Variants in CHRM3 observed in about 807,000 individuals in gnomAD.
CHRM3 encodes muscarinic acetylcholine receptor M3.
CHRM3 carries 11 observed loss-of-function variants against 41.8 expected under a neutral mutation model. The ratio of observed to expected loss-of-function variants is 0.26; its 90% CI spans 0.17 to 0.44. CHRM3 has a LOEUF of 0.44. Ranked by LOEUF, CHRM3 falls within the 20% of genes least tolerant of loss-of-function variation. CHRM3 has a pLI of 1.00. For missense variants in CHRM3, 571 were observed against 745.4 expected, an observed-to-expected ratio of 0.77 and a Z score of 2.72; for synonymous variants, 297 against 301.4, an observed-to-expected ratio of 0.99 and a Z score of 0.15.
At chr1:239,618,714 GC>G (rs1667980445) in intron 3 of CHRM3, among the ~76,000 whole-genome samples, 4 of 150,386 alleles carry the variant, frequency 2.7e-5, no homozygotes, top group African/African-American at 7.3e-5. Flanking sequence ...CGTGGTGGCA[GC>G]CACCTGTAGT....
chr1:239,798,346 G>A lies in CHRM3; in HGVS notation c.-146-28906G>A, dbSNP rs984312589. Among the ~76,000 whole-genome samples, 8 of 152,254 alleles carry A rather than the reference G, an allele frequency of 5.3e-5. No homozygotes were observed. In the East Asian group the frequency reaches 1.4e-3, roughly 26 times the overall value. ...TGTGGGTTTTCGATTGATGGAAGGGGCAGGGTTGGCACCCCTAATCCCTGC... is the reference window on the plus strand; with the variant it reads ...TGTGGGTTTTCGATTGATGGAAGGGACAGGGTTGGCACCCCTAATCCCTGC... On this transcript the variant is annotated intron_variant, in intron 5 of 6. Transcript: ENST00000676153.
chr1:239,643,791 G>T (rs12042581), intron 4 of CHRM3, among the ~76,000 whole-genome samples: 1 of 151,990 alleles, frequency 6.6e-6, no homozygotes, highest in Non-Finnish European at 1.5e-5. Context: ...TGCGCCCACT[G>T]TCTGGCACTC....
At chr1:239,419,492 A>T (rs1406453742) in intron 1 of CHRM3, among the ~76,000 whole-genome samples, 1 of 151,618 alleles carries the variant, frequency 6.6e-6, no homozygotes, top group Non-Finnish European at 1.5e-5. Context: ...TTGGTTTGTG[A>T]CAATATGTAC....
At position 239,545,704 on chromosome 1, in the gene CHRM3, C is replaced by T. The variant is rs1659222491; in HGVS notation, c.-358C>T. On this transcript the variant is annotated 5_prime_UTR_variant, in exon 3 of 7. Coordinates refer to ENST00000676153, the MANE Select transcript of CHRM3 (RefSeq NM_001375978.1). Reference sequence around the variant, plus strand: ...CTCAGAGGACTGTGGATTGAATGAACTGTATCCATCCCCATCATGATGTAC... The same window carrying T: ...CTCAGAGGACTGTGGATTGAATGAATTGTATCCATCCCCATCATGATGTAC... The T allele has an allele frequency of 6.6e-6, 1 of 152,100 alleles. No homozygotes were observed. The highest frequency in any genetic ancestry group is 2.4e-5 in the African/African-American group (1 of 41,422). 9.4% of individuals were successfully genotyped at this position (152,100 alleles called of 1,614,324 possible).
intron 4 of CHRM3, among the ~76,000 whole-genome samples, chr1:239,643,442 C>T (rs935793823): frequency 1.2e-4 from 18 of 152,200 alleles, no homozygotes; most frequent in Non-Finnish European, 2.1e-4. Context: ...TTCCCAGCTG[C>T]TTTGTTTACC....
At chr1:239,477,016 G>T (rs1666511861) in intron 1 of CHRM3, among the ~76,000 whole-genome samples, 1 of 152,212 alleles carries the variant, frequency 6.6e-6, no homozygotes, top group African/African-American at 2.4e-5. Flanking sequence ...GTCCAGGGAA[G>T]GGTATTCTGG....
At chr1:239,638,881 G>T (rs1284904592) in intron 4 of CHRM3, among the ~76,000 whole-genome samples, 1 of 152,124 alleles carries the variant, frequency 6.6e-6, no homozygotes, top group African/African-American at 2.4e-5. Flanking sequence ...TTCTTCTAGG[G>T]TTTTTATGGT....
intron 5 of CHRM3, among the ~76,000 whole-genome samples, chr1:239,795,370 T>C (rs187201938): frequency 6.6e-6 from 1 of 152,362 alleles, no homozygotes; most frequent in African/African-American, 2.4e-5. Flanking sequence ...CTGACTAACG[T>C]AACTCTTAAG....
intron 3 of CHRM3, among the ~76,000 whole-genome samples, chr1:239,580,734 A>C (rs951995940): frequency 3.0e-3 from 268 of 88,866 alleles, no homozygotes; most frequent in African/African-American, 6.0e-3. Context: ...CACACACACA[A>C]GTGCATATAT....
chr1:239,825,562 G>A (rs1272040285), intron 5 of CHRM3, among the ~76,000 whole-genome samples: 1 of 152,044 alleles, frequency 6.6e-6, no homozygotes, highest in Admixed American at 6.6e-5. Context: ...GATATGAACA[G>A]GTATTTGTAT....
chr1:239,521,141 A>G (rs562437720), intron 2 of CHRM3, among the ~76,000 whole-genome samples: 9 of 152,334 alleles, frequency 5.9e-5, no homozygotes, highest in African/African-American at 1.9e-4. Flanking sequence ...CCAGAATTCT[A>G]TTATATTTAC....
intron 6 of CHRM3, among the ~76,000 whole-genome samples, chr1:239,881,236 T>C (rs583084): frequency 0.91 from 124,978 of 136,700 alleles, 57,582 homozygotes; most frequent in South Asian, 1. Flanking sequence ...TGAGCCGAGA[T>C]CCCGCCCCTG....
intron 1 of CHRM3, among the ~76,000 whole-genome samples, chr1:239,449,130 C>T (rs1352097671): frequency 1.3e-5 from 2 of 152,050 alleles, no homozygotes; most frequent in African/African-American, 4.8e-5. Flanking sequence ...TAAACTTGTC[C>T]TGTGAGCAGA....
At chr1:239,629,743 A>G (rs953150822) in intron 3 of CHRM3, among the ~76,000 whole-genome samples, 3 of 152,130 alleles carry the variant, frequency 2.0e-5, no homozygotes, top group African/African-American at 7.2e-5. Context: ...ACCTTTTTTT[A>G]TGGACATCAT....
intron 6 of CHRM3, among the ~76,000 whole-genome samples, chr1:239,882,067 C>T (rs563488055): frequency 7.3e-5 from 11 of 151,560 alleles, no homozygotes; most frequent in African/African-American, 2.4e-4. Context: ...CACCATGCCC[C>T]GCTAATTTTT....
chr1:239,518,503 A>G (rs1669420335), intron 2 of CHRM3, among the ~76,000 whole-genome samples: 1 of 152,208 alleles, frequency 6.6e-6, no homozygotes, highest in East Asian at 1.9e-4. Context: ...GGATGGAGAA[A>G]ACAAATATGA....
intron 6 of CHRM3, among the ~76,000 whole-genome samples, chr1:239,857,336 A>G (rs938006583): frequency 6.6e-6 from 1 of 152,222 alleles, no homozygotes; most frequent in African/African-American, 2.4e-5. Flanking sequence ...TGGAACCAGA[A>G]TCTCTCATAT....
At chr1:239,450,237 A>G (rs1330914622) in intron 1 of CHRM3, among the ~76,000 whole-genome samples, 1 of 152,218 alleles carries the variant, frequency 6.6e-6, no homozygotes, top group Non-Finnish European at 1.5e-5. Context: ...ACCTTGTGGA[A>G]AAATACACAA....
In CHRM3 at chr1:239,907,450, C is replaced by G; in HGVS notation, c.-2C>G. On this transcript the variant is annotated 5_prime_UTR_variant, in exon 7 of 7. Transcript: ENST00000676153. The surrounding 1 kb of genome is among the most constrained non-coding windows in gnomAD (Gnocchi z 5.4). ...TCCCCCAGACTATGTCAGAGAGTCA[C>G]AATGACCTTGCACAATAACAGTACA... is the stretch of plus-strand genomic sequence containing the variant. The G allele has an allele frequency of 1.2e-6, 2 of 1,609,922 alleles. No individual in the cohort carries two copies. The highest frequency in any genetic ancestry group is 1.7e-6 in the Non-Finnish European group (2 of 1,177,018).
Sources: gnomAD v4.1 joint callset for allele counts (sites outside exome capture counted in the v4.1 genomes callset) on GRCh38, gnomAD v4.1.1 for gene constraint, Gnocchi (gnomAD v3.1) non-coding constraint, MANE v1.5 for transcripts, NCBI Gene and HGNC (gene_info 2026-07-23, HGNC 2026-07-21) for gene names.